The following DOCK3 variants were observed in gnomAD, a reference collection of about 807,000 sequenced individuals.
DOCK3 encodes the protein dedicator of cytokinesis 3.
In DOCK3, 60 loss-of-function variants were observed where a neutral mutation model predicts 265.6. The ratio of observed to expected loss-of-function variants is 0.23; its 90% CI spans 0.18 to 0.28. DOCK3 has a LOEUF of 0.28. Among genes scored for constraint, DOCK3 ranks in the 10% least tolerant of loss-of-function variants. The pLI is 1.00. For missense variants in DOCK3, 1,981 were observed against 2,594.3 expected (o/e 0.76, Z 5.14); for synonymous variants, 881 against 938.0 (o/e 0.94, Z 1.11).
intron 10 of DOCK3, among the ~76,000 whole-genome samples, chr3:51,147,462 A>G (rs9827072): frequency 0.91 from 138,781 of 152,206 alleles, 63,418 homozygotes; most frequent in African/African-American, 0.95. Context: ...ATTTACATTA[A>G]GTATTTCTCC....
intron 5 of DOCK3, among the ~76,000 whole-genome samples, chr3:51,006,939 C>T (rs1311007742): frequency 1.3e-5 from 2 of 152,194 alleles, no homozygotes; most frequent in African/African-American, 4.8e-5. Context: ...CATGTCCCTA[C>T]AAAGGACATG....
chr3:51,045,144 C>T (rs538385269), intron 5 of DOCK3, among the ~76,000 whole-genome samples: 1 of 152,242 alleles, frequency 6.6e-6, no homozygotes, highest in African/African-American at 2.4e-5. Context: ...TAAGCTTAAT[C>T]ATTTCTAGCT....
chr3:51,380,223 G>A lies in DOCK3; in HGVS notation c.5583+16G>A, dbSNP rs376205052. On this transcript the variant is annotated intron_variant, in intron 52 of 52. Coordinates refer to ENST00000266037, the MANE Select transcript of DOCK3 (RefSeq NM_004947.5). Reference sequence around the variant, plus strand: ...CCTGCGCAAGGTAATGTACTGAAGCGGCAGCCCCACCAGGCTGTGAGATGA... The same window carrying A: ...CCTGCGCAAGGTAATGTACTGAAGCAGCAGCCCCACCAGGCTGTGAGATGA... The A allele has an allele frequency of 4.0e-5, 64 of 1,605,190 alleles. No individual in the cohort carries two copies. Among genetic ancestry groups the A allele is most frequent in the African/African-American group, 6.7e-5 (5 of 74,866 alleles).
chr3:50,917,408 C>G (rs1301392894), intron 4 of DOCK3, among the ~76,000 whole-genome samples: 3 of 151,838 alleles, frequency 2.0e-5, no homozygotes, highest in African/African-American at 7.3e-5. Flanking sequence ...TCCAGGTGTC[C>G]TATTTCTTCT....
chr3:50,797,594 C>T (rs2042858261), intron 2 of DOCK3, among the ~76,000 whole-genome samples: 1 of 152,212 alleles, frequency 6.6e-6, no homozygotes, highest in South Asian at 2.1e-4. Context: ...TTTTGAGGCA[C>T]CTCCGTACTG....
intron 9 of DOCK3, among the ~76,000 whole-genome samples, chr3:51,100,061 A>AAAGG (rs1293297716): frequency 6.6e-6 from 1 of 151,648 alleles, no homozygotes; most frequent in Non-Finnish European, 1.5e-5. Context: ...AGAAAGAAAG[A>AAAGG]AAGCCTTTAC....
chr3:50,703,959 A>G (rs1282515329), intron 1 of DOCK3, among the ~76,000 whole-genome samples: 1 of 151,552 alleles, frequency 6.6e-6, no homozygotes, highest in African/African-American at 2.4e-5. Flanking sequence ...TATCCCATAG[A>G]TTTAGGTATT....
intron 51 of DOCK3, among the ~76,000 whole-genome samples, chr3:51,378,149 A>G (rs528793986): frequency 6.6e-6 from 1 of 152,300 alleles, no homozygotes; most frequent in South Asian, 2.1e-4. Context: ...CTTTCAGGCA[A>G]CAGCTAAGTG....
At chr3:51,314,847 A>G in intron 31 of DOCK3, 133 bp from the exon 32 acceptor site, 1 of 1,120,762 alleles carries the variant, frequency 8.9e-7, no homozygotes. Flanking sequence ...GTACCTCAGA[A>G]AACCATAGGG....
At chr3:51,211,441 A>G (rs901153284) in intron 13 of DOCK3, among the ~76,000 whole-genome samples, 2 of 152,008 alleles carry the variant, frequency 1.3e-5, no homozygotes, top group Non-Finnish European at 2.9e-5. Flanking sequence ...ATATGTATAC[A>G]TGTGCCATGT....
chr3:51,042,747 CCAGGATA>C (rs2080586145), intron 5 of DOCK3, among the ~76,000 whole-genome samples: 2 of 152,058 alleles, frequency 1.3e-5, no homozygotes, highest in African/African-American at 4.8e-5. Flanking sequence ...CAGCAAAGTC[CCAGGATA>C]CACAATCAAT....
intron 3 of DOCK3, chr3:50,877,711 G>A: frequency 2.8e-6 from 1 of 353,558 alleles, no homozygotes; most frequent in Non-Finnish European, 5.5e-6. Flanking sequence ...GTCTCGCTGT[G>A]TCACCAGGCT....
chr3:51,295,027 CAATT>C (rs2082001777), intron 27 of DOCK3, among the ~76,000 whole-genome samples: 1 of 152,026 alleles, frequency 6.6e-6, no homozygotes, highest in African/African-American at 2.4e-5. Flanking sequence ...TATTATTTGT[CAATT>C]AAAATAAAAA....
At chr3:50,899,496 T>G (rs980590946) in intron 4 of DOCK3, among the ~76,000 whole-genome samples, 5 of 152,352 alleles carry the variant, frequency 3.3e-5, no homozygotes, top group Admixed American at 6.5e-5. Flanking sequence ...AATATTGTTA[T>G]GTGTGAATTT....
intron 21 of DOCK3, among the ~76,000 whole-genome samples, chr3:51,238,013 T>A (rs898674019): frequency 3.3e-5 from 5 of 152,114 alleles, no homozygotes; most frequent in Non-Finnish European, 5.9e-5. Context: ...TGTGAGTAGC[T>A]TATTTCACTC....
intron 2 of DOCK3, among the ~76,000 whole-genome samples, chr3:50,782,034 A>G (rs1268069848): frequency 2.6e-5 from 4 of 152,090 alleles, no homozygotes; most frequent in African/African-American, 9.7e-5. Context: ...ATTGATGGGC[A>G]TTTAGATTGA....
intron 1 of DOCK3, among the ~76,000 whole-genome samples, chr3:50,772,057 G>C (rs1466685501): frequency 6.6e-6 from 1 of 152,186 alleles, no homozygotes; most frequent in East Asian, 1.9e-4. Flanking sequence ...TCCATGAACA[G>C]ATGAATGGAT....
At chr3:50,959,333 C>CT (rs139909173) in intron 5 of DOCK3, among the ~76,000 whole-genome samples, 20 of 150,476 alleles carry the variant, frequency 1.3e-4, no homozygotes, top group East Asian at 3.9e-4. Flanking sequence ...AGGTACCTTT[C>CT]TTTTTTTTTA....
At chr3:51,217,825 C>A (rs1195383543) in intron 14 of DOCK3, among the ~76,000 whole-genome samples, 1 of 152,110 alleles carries the variant, frequency 6.6e-6, no homozygotes, top group African/African-American at 2.4e-5. Context: ...TGATTTAAAA[C>A]CTCTAGGTCA....
Sources: gnomAD v4.1 joint callset for allele counts (sites outside exome capture counted in the v4.1 genomes callset) on GRCh38, gnomAD v4.1.1 for gene constraint, MANE v1.5 for transcripts, NCBI Gene and HGNC (gene_info 2026-07-23, HGNC 2026-07-21) for gene names.